MAPRE2: variants seen among roughly 807,000 people sequenced by gnomAD.
The protein encoded by MAPRE2 is microtubule-associated protein RP/EB family member 2.
Under a neutral mutation model 43.2 loss-of-function variants are expected in MAPRE2, and 13 were observed. The ratio of observed to expected loss-of-function variants is 0.30; its 90% CI spans 0.20 to 0.48. MAPRE2 has a LOEUF of 0.48. MAPRE2 is among the 20% of genes least tolerant of loss of function. The pLI is 0.99. For synonymous variants in MAPRE2, 135 were observed against 148.8 expected, an observed-to-expected ratio of 0.91 and a Z score of 0.68; for missense variants, 161 against 400.2, an observed-to-expected ratio of 0.40 and a Z score of 5.10.
intron 4 of MAPRE2, among the ~76,000 whole-genome samples, chr18:35,111,283 T>C (rs1909162908): frequency 6.6e-6 from 1 of 152,196 alleles, no homozygotes; most frequent in Admixed American, 6.5e-5. Flanking sequence ...TACTTTTTTT[T>C]CTTTCTCTGC....
At chr18:34,982,539 A>G (rs918024390) in intron 1 of MAPRE2, among the ~76,000 whole-genome samples, 1 of 152,244 alleles carries the variant, frequency 6.6e-6, no homozygotes, top group Non-Finnish European at 1.5e-5. Context: ...ATACTCTTTA[A>G]TCTGAGATAA....
At chr18:35,048,103 C>T (rs1375421964) in intron 1 of MAPRE2, among the ~76,000 whole-genome samples, 1 of 152,166 alleles carries the variant, frequency 6.6e-6, no homozygotes, top group East Asian at 1.9e-4. Flanking sequence ...TGCTCAGCTT[C>T]TGGGGAGGCC....
chr18:35,024,923 T>TA lies in MAPRE2; in HGVS notation c.-8+19377dup, dbSNP rs1301767477. On this transcript the variant is annotated intron_variant, in intron 2 of 7. Transcript: ENST00000413393. Reference sequence around the variant, plus strand: ...GCTTGGAGGGTGAGTGAGAAAAATATAAAAAAATACAGGTTAACTATAAAT... The same window carrying TA: ...GCTTGGAGGGTGAGTGAGAAAAATATAAAAAAAATACAGGTTAACTATAAAT... 3.3e-5 allele frequency among the ~76,000 whole-genome samples: 5 copies of TA among 152,190 alleles called. No homozygotes were observed. In the South Asian group the frequency reaches 6.2e-4, roughly 19 times the overall value.
intron 2 of MAPRE2, among the ~76,000 whole-genome samples, chr18:35,034,465 T>C (rs1399461736): frequency 6.6e-6 from 1 of 151,998 alleles, no homozygotes; most frequent in Admixed American, 6.6e-5. Flanking sequence ...GGACTTCATG[T>C]CTAAAACACC....
At chr18:34,992,265 A>G (rs1235128653) in intron 1 of MAPRE2, among the ~76,000 whole-genome samples, 2 of 152,250 alleles carry the variant, frequency 1.3e-5, no homozygotes, top group Non-Finnish European at 1.5e-5. Flanking sequence ...AAAATATTCA[A>G]AAGAAAACAT....
chr18:35,124,888 C>T (rs1289905817), intron 4 of MAPRE2, among the ~76,000 whole-genome samples: 3 of 151,984 alleles, frequency 2.0e-5, no homozygotes, highest in Non-Finnish European at 2.9e-5. Context: ...ACTTGGTCAG[C>T]GGGACATGGA....
intron 2 of MAPRE2, among the ~76,000 whole-genome samples, chr18:35,023,817 C>A (rs2097043429): frequency 6.6e-6 from 1 of 151,876 alleles, no homozygotes; most frequent in Non-Finnish European, 1.5e-5. Context: ...TAAATGATGC[C>A]CAGGATAATT....
At position 35,077,303 on chromosome 18, in the gene MAPRE2, G is replaced by A. The variant is rs79172606; in HGVS notation, c.250+6981G>A. ...CACACACACACACAATTGGTACAAAGCAGTACCATTAGTGGGAATCTCATA... is the reference window on the plus strand; with the variant it reads ...CACACACACACACAATTGGTACAAAACAGTACCATTAGTGGGAATCTCATA... On this transcript the variant is annotated intron_variant, in intron 2 of 6. Transcript: ENST00000300249. Among the ~76,000 whole-genome samples, 1,480 of 151,746 alleles carry A rather than the reference G, an allele frequency of 9.8e-3. 27 individuals are homozygous for A. The highest frequency in any genetic ancestry group is 0.034 in the African/African-American group (1,394 of 41,398).
chr18:35,132,010 C>T lies in MAPRE2; in HGVS notation c.751-22C>T, dbSNP rs1181749340. ...TACTATATTTTGGGTGGTTTTTTTT[C>T]TTCACTCTCACTCCCTTGCAGGTAC... On this transcript the variant is annotated intron_variant, in intron 5 of 6. Transcript: ENST00000300249. The T allele has an allele frequency of 3.8e-6, 6 of 1,595,284 alleles. No homozygotes were observed. In the Admixed American group the frequency reaches 5.2e-5, roughly 14 times the overall value.
At position 35,041,599 on chromosome 18, in the gene MAPRE2, G is replaced by T; in HGVS notation, c.60G>T (p.Gln20His). The part of the protein sequence containing the change: ...PNGENNNDII[Q>H]DNNGTIIPFR... ...GCGAGAACAACAACGACATCATCCA[G>T]GATAATAACGGGACCATCATTCCTT... The change falls in exon 1 of 7, where the codon CAG becomes CAT. Residue 20 changes from glutamine (Q) to histidine (H), a missense_variant. Transcript: ENST00000300249. The T allele has an allele frequency of 6.2e-7, 1 of 1,614,252 alleles. No homozygotes were observed.
At chr18:35,047,110 G>A (rs907130047) in intron 1 of MAPRE2, among the ~76,000 whole-genome samples, 9 of 152,182 alleles carry the variant, frequency 5.9e-5, no homozygotes, top group Non-Finnish European at 1.2e-4. Context: ...CACCTTGGTG[G>A]CAGACTCCAG....
At chr18:35,029,785 T>C (rs966310531) in intron 2 of MAPRE2, among the ~76,000 whole-genome samples, 1 of 152,232 alleles carries the variant, frequency 6.6e-6, no homozygotes, top group Non-Finnish European at 1.5e-5. Flanking sequence ...CATTTTATTT[T>C]AAGATGGAAA....
intron 1 of MAPRE2, among the ~76,000 whole-genome samples, chr18:35,064,933 T>C (rs531415741): frequency 6.6e-6 from 1 of 152,330 alleles, no homozygotes; most frequent in African/African-American, 2.4e-5. Context: ...ATCGTGACTT[T>C]GCCTGCTAGA....
chr18:35,041,448 C>A lies in MAPRE2; in HGVS notation c.-92C>A, dbSNP rs373048018. 4 of 1,600,720 alleles carry A rather than the reference C, an allele frequency of 2.5e-6. No homozygotes were observed. The highest frequency in any genetic ancestry group is 1.7e-5 in the Admixed American group (1 of 59,108). ...TGAGCGAGCAGGCGGCAGGCACGGTCCGTGCGGAGCAGGCGAGCGAGCGGG... is the reference window on the plus strand; with the variant it reads ...TGAGCGAGCAGGCGGCAGGCACGGTACGTGCGGAGCAGGCGAGCGAGCGGG... On this transcript the variant is annotated 5_prime_UTR_variant, in exon 1 of 7. Coordinates refer to ENST00000300249, the MANE Select transcript of MAPRE2 (RefSeq NM_014268.4).
chr18:34,978,145 C>A, intron 1 of MAPRE2: 1 of 307,956 alleles, frequency 3.2e-6, no homozygotes, highest in Admixed American at 5.4e-5. Flanking sequence ...TTTCCTTCAC[C>A]TCCGCACCAG....
At chr18:35,048,524 AAC>A (rs1296095557) in intron 1 of MAPRE2, among the ~76,000 whole-genome samples, 2 of 150,568 alleles carry the variant, frequency 1.3e-5, no homozygotes, top group Admixed American at 6.6e-5. Context: ...ATATAGTATT[AAC>A]ACATATACTA....
At chr18:35,120,998 G>A (rs1180742420) in intron 4 of MAPRE2, among the ~76,000 whole-genome samples, 1 of 152,160 alleles carries the variant, frequency 6.6e-6, no homozygotes, top group African/African-American at 2.4e-5. Context: ...GTGTGCACAC[G>A]CTCATGTTTT....
chr18:35,002,792 AT>A (rs1477251146), intron 1 of MAPRE2, among the ~76,000 whole-genome samples: 2 of 152,026 alleles, frequency 1.3e-5, no homozygotes, highest in Non-Finnish European at 2.9e-5. Context: ...AGAATTCTTT[AT>A]TTTAGACACT....
chr18:34,980,834 T>C (rs2097015869), intron 1 of MAPRE2, among the ~76,000 whole-genome samples: 1 of 152,156 alleles, frequency 6.6e-6, no homozygotes. Context: ...AGGAGAAACA[T>C]TGTAGAATAG....
Sources: allele counts gnomAD v4.1 joint callset (sites outside exome capture counted in the v4.1 genomes callset), GRCh38; gene constraint gnomAD v4.1.1; transcripts MANE v1.5; gene names NCBI Gene and HGNC (gene_info 2026-07-23, HGNC 2026-07-21).